Variants in TESK2 observed in about 807,000 individuals in gnomAD.
TESK2 encodes dual specificity testis-specific protein kinase 2.
In TESK2, 39 loss-of-function variants were observed where a neutral mutation model predicts 57.1. The observed-to-expected ratio is 0.68, with a 90% CI of 0.53 to 0.89. TESK2 has a LOEUF of 0.89. Among genes scored for constraint, TESK2 ranks in the 40% least tolerant of loss-of-function variants. The pLI is 0.00. For missense variants in TESK2, 646 were observed against 732.1 expected (o/e 0.88, Z 1.36); for synonymous variants, 249 against 267.9 (o/e 0.93, Z 0.69).
At chr1:45,376,213 CTTTTTTTTTTT>C (rs71052869) in intron 4 of TESK2, among the ~76,000 whole-genome samples, 1 of 80,684 alleles carries the variant, frequency 1.2e-5, no homozygotes. Context: ...CTTTCTCTCT[CTTTTTTTTTTT>C]TTTTTTTTTT....
At chr1:45,390,249 G>A (rs566498079) in intron 3 of TESK2, among the ~76,000 whole-genome samples, 10 of 152,096 alleles carry the variant, frequency 6.6e-5, no homozygotes, top group South Asian at 2.1e-4. Flanking sequence ...TGGAGAATAC[G>A]GTGAAATATG....
intron 2 of TESK2, among the ~76,000 whole-genome samples, chr1:45,440,331 C>G (rs902062125): frequency 6.6e-6 from 1 of 152,054 alleles, no homozygotes; most frequent in African/African-American, 2.4e-5. Flanking sequence ...AGGGAATGAT[C>G]AATCATGCTA....
intron 3 of TESK2, among the ~76,000 whole-genome samples, chr1:45,414,057 A>T (rs1411145675): frequency 6.6e-6 from 1 of 152,242 alleles, no homozygotes; most frequent in Admixed American, 6.5e-5. Context: ...TTTGGCATTT[A>T]AGGAGTCACA....
chr1:45,468,068 CA>C (rs1257792445), intron 1 of TESK2, among the ~76,000 whole-genome samples: 1 of 151,434 alleles, frequency 6.6e-6, no homozygotes, highest in East Asian at 1.9e-4. Context: ...CCTAGCTACT[CA>C]GGAGGCCAAG....
rs749950295 is a variant in TESK2 at position 45,347,017 on chromosome 1, G to A, written c.754C>T (p.Arg252Cys). The change falls in exon 8 of 11, where the codon CGC (arginine) becomes TGC (cysteine). Residue 252 changes from arginine to cysteine, a missense_variant. Physicochemically the swap from Arg to Cys is radical, Grantham distance 180 (BLOSUM62 -3). Transcript: ENST00000372086. ...YGIILCEIIARIQADPDYLPR... is the reference protein window; with the variant it reads ...YGIILCEIIACIQADPDYLPR... ...AGATAGTCCGGATCGGCCTGGATGC[G>A]GGCGATGATCTCGCAGAGGATGATA... 6 of 1,614,064 alleles carry A rather than the reference G, an allele frequency of 3.7e-6. No homozygotes were observed. The African/African-American group carries it at 4.0e-5, about 11-fold the overall frequency.
At chr1:45,411,616 C>G (rs567014232) in intron 3 of TESK2, among the ~76,000 whole-genome samples, 1 of 152,042 alleles carries the variant, frequency 6.6e-6, no homozygotes, top group Non-Finnish European at 1.5e-5. Context: ...TGCTGTAGCC[C>G]TACACAGAGG....
intron 3 of TESK2, among the ~76,000 whole-genome samples, chr1:45,400,816 G>A (rs1649564664): frequency 6.6e-6 from 1 of 151,860 alleles, no homozygotes; most frequent in Non-Finnish European, 1.5e-5. Flanking sequence ...GAGGCCAGGA[G>A]TTCAAGACCA....
chr1:45,413,966 A>G (rs1650137551), intron 3 of TESK2: 2 of 381,246 alleles, frequency 5.2e-6, no homozygotes, highest in African/African-American at 4.2e-5. Flanking sequence ...AAGTATTAAC[A>G]GCAAATTGCT....
At chr1:45,404,581 T>C (rs957141057) in intron 3 of TESK2, among the ~76,000 whole-genome samples, 3 of 151,978 alleles carry the variant, frequency 2.0e-5, no homozygotes, top group African/African-American at 7.2e-5. Context: ...TCTCACTTGA[T>C]CACCCAGGCT....
intron 4 of TESK2, among the ~76,000 whole-genome samples, chr1:45,360,435 T>C (rs1647637122): frequency 6.6e-6 from 1 of 152,108 alleles, no homozygotes; most frequent in East Asian, 1.9e-4. Flanking sequence ...AAAGACTGTA[T>C]GTGCACTCTC....
At chr1:45,369,231 T>C (rs1198791534) in intron 4 of TESK2, among the ~76,000 whole-genome samples, 1 of 151,966 alleles carries the variant, frequency 6.6e-6, no homozygotes. Flanking sequence ...CTGAGTGCAG[T>C]GGCTCACGCC....
At chr1:45,474,366 C>T (rs1273678167) in intron 1 of TESK2, among the ~76,000 whole-genome samples, 1 of 152,056 alleles carries the variant, frequency 6.6e-6, no homozygotes, top group Non-Finnish European at 1.5e-5. Context: ...GTTGCTCACT[C>T]CTGTAATCCC....
chr1:45,487,169 C>T (rs1653521351), intron 1 of TESK2, among the ~76,000 whole-genome samples: 1 of 152,104 alleles, frequency 6.6e-6, no homozygotes, highest in Admixed American at 6.6e-5. Context: ...CATCATATGT[C>T]AAGCTTACAA....
intron 2 of TESK2, among the ~76,000 whole-genome samples, chr1:45,432,317 G>T (rs1650999349): frequency 6.6e-6 from 1 of 151,926 alleles, no homozygotes; most frequent in Non-Finnish European, 1.5e-5. Context: ...TTACAGGTGT[G>T]AGCCACTACA....
rs1459591329 is a variant in TESK2 at position 45,385,121 on chromosome 1, G to A, written c.393+791C>T. Among the ~76,000 whole-genome samples the A allele has an allele frequency of 2.0e-5, 3 of 152,302 alleles. No homozygotes were observed. The East Asian group carries it at 5.8e-4, about 29-fold the overall frequency. ...GTAATTGCTTCTCAAGGAGGAATGT[G>A]AAAAGAATCTAGAACATAGATTCTC... On this transcript the variant is annotated intron_variant, in intron 4 of 10. Transcript: ENST00000372086.
At chr1:45,372,744 AAAAAG>A (rs1351274539) in intron 4 of TESK2, among the ~76,000 whole-genome samples, 1 of 151,914 alleles carries the variant, frequency 6.6e-6, no homozygotes, top group African/African-American at 2.4e-5. Flanking sequence ...TCTTAAAAAA[AAAAAG>A]AAAAGAAGGC....
intron 1 of TESK2, among the ~76,000 whole-genome samples, chr1:45,475,357 C>A (rs1652945000): frequency 6.6e-6 from 1 of 151,576 alleles, no homozygotes; most frequent in African/African-American, 2.4e-5. Context: ...CAGGCATGTG[C>A]CACCACGCCT....
At chr1:45,369,117 T>C (rs749423758) in intron 4 of TESK2, among the ~76,000 whole-genome samples, 8 of 152,182 alleles carry the variant, frequency 5.3e-5, no homozygotes, top group Non-Finnish European at 1.0e-4. Context: ...TGGATTTGTA[T>C]CCAAGCCTTG....
intron 2 of TESK2, among the ~76,000 whole-genome samples, chr1:45,434,570 T>C (rs1326361685): frequency 1.3e-5 from 2 of 152,074 alleles, no homozygotes; most frequent in Non-Finnish European, 1.5e-5. Context: ...GATTAGCAAA[T>C]TTTTTATGAT....
Sources: allele counts gnomAD v4.1 joint callset (sites outside exome capture counted in the v4.1 genomes callset), GRCh38; gene constraint gnomAD v4.1.1; transcripts MANE v1.5; gene names NCBI Gene and HGNC (gene_info 2026-07-23, HGNC 2026-07-21).